The following GPLD1 variants were observed in gnomAD, a reference collection of about 807,000 sequenced individuals.
GPLD1 encodes the protein phosphatidylinositol-glycan-specific phospholipase D.
GPLD1 carries 84 observed loss-of-function variants against 112.6 expected under a neutral mutation model. The observed-to-expected ratio is 0.75, with a 90% CI of 0.63 to 0.89. The LOEUF (loss-of-function observed/expected upper bound fraction) is 0.89, where lower values mean the gene tolerates loss of function less well. Among genes scored for constraint, GPLD1 ranks in the 40% least tolerant of loss-of-function variants. The probability of loss-of-function intolerance (pLI) is 0.00; values close to 1 mark genes in which losing one functional copy is unlikely to be tolerated. For missense variants in GPLD1, 1,044 were observed against 1,051.5 expected (o/e 0.99, Z 0.10); for synonymous variants, 386 against 403.8 (o/e 0.96, Z 0.53).
chr6:24,488,329 G>T (rs1299335261), intron 1 of GPLD1, among the ~76,000 whole-genome samples: 1 of 151,832 alleles, frequency 6.6e-6, no homozygotes, highest in Non-Finnish European at 1.5e-5. Context: ...GGAGAATGGT[G>T]TGAACCCAGG....
chr6:24,458,233 G>T (rs2744565), intron 12 of GPLD1, among the ~76,000 whole-genome samples: 102,377 of 151,856 alleles, frequency 0.67, 34,910 homozygotes, highest in African/African-American at 0.75. Flanking sequence ...TGGCTCAGGC[G>T]CTGCAAAAGC....
intron 3 of GPLD1, among the ~76,000 whole-genome samples, chr6:24,477,713 G>C (rs1764068126): frequency 6.6e-6 from 1 of 151,946 alleles, no homozygotes; most frequent in Non-Finnish European, 1.5e-5. Flanking sequence ...CTGGGCAACA[G>C]AGCAAGACCC....
chr6:24,486,692 C>T (rs901809642), intron 1 of GPLD1, among the ~76,000 whole-genome samples: 1 of 152,086 alleles, frequency 6.6e-6, no homozygotes, highest in Non-Finnish European at 1.5e-5. Flanking sequence ...GTGGCGCATG[C>T]CTGTAATCCC....
At chr6:24,493,175 G>T (rs1424240042), upstream of GPLD1, among the ~76,000 whole-genome samples, 3 of 152,236 alleles carry the variant, frequency 2.0e-5, no homozygotes, top group Non-Finnish European at 4.4e-5. Context: ...GTTGATTGAG[G>T]CCTCAATTGA....
chr6:24,437,087 G>C (rs763025790), intron 21 of GPLD1, 26 bp downstream of exon 21: 3 of 1,606,066 alleles, frequency 1.9e-6, no homozygotes, highest in South Asian at 2.2e-5. Flanking sequence ...CTCAATTCTT[G>C]TCAAAGGGTC....
At chr6:24,483,382 T>C (rs1764265565) in intron 2 of GPLD1, among the ~76,000 whole-genome samples, 1 of 151,246 alleles carries the variant, frequency 6.6e-6, no homozygotes, top group South Asian at 2.1e-4. Flanking sequence ...TGAAATAGAA[T>C]AAAGAGTACA....
At chr6:24,473,934 G>A (rs1411567370) in intron 5 of GPLD1, among the ~76,000 whole-genome samples, 1 of 152,074 alleles carries the variant, frequency 6.6e-6, no homozygotes, top group African/African-American at 2.4e-5. Flanking sequence ...AGACCAGCCT[G>A]GCCAACATAG....
At chr6:24,440,792 T>C (rs1186437449) in intron 20 of GPLD1, among the ~76,000 whole-genome samples, 2 of 147,460 alleles carry the variant, frequency 1.4e-5, no homozygotes, top group Non-Finnish European at 3.0e-5. Flanking sequence ...GAAAGTGAGA[T>C]AGGTAGGTAG....
At chr6:24,466,355 A>G (rs1255840338) in intron 10 of GPLD1, among the ~76,000 whole-genome samples, 1 of 152,220 alleles carries the variant, frequency 6.6e-6, no homozygotes, top group Non-Finnish European at 1.5e-5. Context: ...CTCAAAATAA[A>G]AAGAAAGAAA....
chr6:24,448,285 G>A, intron 15 of GPLD1, 77 bp from the exon 16 acceptor site: 2 of 973,164 alleles, frequency 2.1e-6, no homozygotes, highest in Non-Finnish European at 3.2e-6. Flanking sequence ...AAGATAAAAA[G>A]GACTGACTCT....
chr6:24,493,481 A>G (rs1729216266), upstream of GPLD1, among the ~76,000 whole-genome samples: 1 of 152,174 alleles, frequency 6.6e-6, no homozygotes, highest in Admixed American at 6.5e-5. Flanking sequence ...CGGTCTCACA[A>G]GAACAAAACA....
At chr6:24,445,669 A>G (rs745754118) in intron 19 of GPLD1, 30 bp from the exon 20 acceptor site, 11 of 1,597,304 alleles carry the variant, frequency 6.9e-6, no homozygotes, top group Non-Finnish European at 9.4e-6. Context: ...AATATTGTAT[A>G]GGTGAGAAAA....
rs1252317909 is a variant in GPLD1 at position 24,467,234 on chromosome 6, G to A, written c.586C>T (p.Leu196=). The A allele has an allele frequency of 1.9e-6, 3 of 1,606,130 alleles. No homozygotes were observed. Among genetic ancestry groups the A allele is most frequent in the Non-Finnish European group, 2.6e-6 (3 of 1,172,732 alleles). The change falls in exon 8 of 25, where the codon CTG becomes TTG. Residue 196 remains leucine, a synonymous_variant. Transcript: ENST00000230036. ...VKDLLGIYEK[L]YGRKVITENV... is the part of the protein sequence containing the mutation. ...TCGGTGATGACTTTTCGACCATACAGTTTCTCATAAATTCCCAGTAGATCT... is the reference window on the plus strand; with the variant it reads ...TCGGTGATGACTTTTCGACCATACAATTTCTCATAAATTCCCAGTAGATCT...
Position 24,466,903 on chromosome 6 carries a change from C to T in GPLD1, c.681+9G>A, listed in dbSNP as rs764496896. 3.0e-5 allele frequency: 48 copies of T among 1,608,010 alleles called. No homozygotes were observed. The highest frequency in any genetic ancestry group is 3.4e-5 in the Non-Finnish European group (40 of 1,174,642). ...AATCCTTTAAGATTTGGAAGAATGACGCCTTTACCTTGGAAACAGCTAGCA... is the reference window on the plus strand; with the variant it reads ...AATCCTTTAAGATTTGGAAGAATGATGCCTTTACCTTGGAAACAGCTAGCA... On this transcript the variant is annotated intron_variant, in intron 9 of 24. Coordinates refer to ENST00000230036, the MANE Select transcript of GPLD1 (RefSeq NM_001503.4).
chr6:24,438,899 G>A (rs774647113), intron 20 of GPLD1, among the ~76,000 whole-genome samples: 4 of 152,052 alleles, frequency 2.6e-5, no homozygotes, highest in Non-Finnish European at 5.9e-5. Context: ...CGATTCTCCT[G>A]CCTCAGCCTC....
intron 2 of GPLD1, among the ~76,000 whole-genome samples, chr6:24,480,825 G>T (rs1764177550): frequency 6.6e-6 from 1 of 152,198 alleles, no homozygotes; most frequent in Non-Finnish European, 1.5e-5. Context: ...TTCCCAGGCT[G>T]TCTCAGCTCA....
upstream of GPLD1, among the ~76,000 whole-genome samples, chr6:24,494,055 A>G (rs1458312292): frequency 6.6e-6 from 1 of 152,234 alleles, no homozygotes; most frequent in Non-Finnish European, 1.5e-5. Context: ...AAAGGTGCTC[A>G]AATACCTTGG....
chr6:24,472,343 T>A (rs1363965923), intron 7 of GPLD1, among the ~76,000 whole-genome samples: 1 of 152,122 alleles, frequency 6.6e-6, no homozygotes, highest in East Asian at 1.9e-4. Flanking sequence ...AATGGGAGCA[T>A]AAGTTAAGAT....
intron 12 of GPLD1, among the ~76,000 whole-genome samples, chr6:24,457,128 C>T (rs1174245854): frequency 1.3e-5 from 2 of 152,180 alleles, no homozygotes; most frequent in African/African-American, 4.8e-5. Context: ...CCTCGGCTCC[C>T]CCAAAGTGCT....
Sources: gnomAD v4.1 joint callset for allele counts (sites outside exome capture counted in the v4.1 genomes callset) on GRCh38, gnomAD v4.1.1 for gene constraint, MANE v1.5 for transcripts, NCBI Gene and HGNC (gene_info 2026-07-23, HGNC 2026-07-21) for gene names.